Variants in CD82 observed in about 807,000 individuals in gnomAD.
CD82 encodes CD82 molecule, also known as CD82 antigen.
Under a neutral mutation model 37.4 loss-of-function variants are expected in CD82, and 36 were observed. That is an observed-to-expected ratio of 0.96 (90% CI 0.74 to 1.27). The LOEUF (loss-of-function observed/expected upper bound fraction) is 1.27, where lower values mean the gene tolerates loss of function less well. Among genes scored for constraint, CD82 ranks in the 50% most tolerant of loss-of-function variants. CD82 has a pLI of 0.00. For synonymous variants in CD82, 158 were observed against 137.4 expected (o/e 1.15, Z -1.05); for missense variants, 340 against 347.0 (o/e 0.98, Z 0.16).
chr11:44,588,643 G>A (rs1278360160), intron 2 of CD82, among the ~76,000 whole-genome samples: 1 of 152,186 alleles, frequency 6.6e-6, no homozygotes, highest in African/African-American at 2.4e-5. Flanking sequence ...ATCCAAGGCA[G>A]CCTGATGCCA....
At chr11:44,587,225 G>A (rs535438693) in intron 1 of CD82, 1 of 348,206 alleles carries the variant, frequency 2.9e-6, no homozygotes, top group Non-Finnish European at 5.7e-6. Flanking sequence ...TACGGGAAAA[G>A]AGTAATTCTG....
chr11:44,613,291 A>G (rs967379292), intron 6 of CD82, among the ~76,000 whole-genome samples: 1 of 152,180 alleles, frequency 6.6e-6, no homozygotes, highest in African/African-American at 2.4e-5. Context: ...GGAGCCAGGC[A>G]GGGGCTGGCT....
At position 44,582,350 on chromosome 11, in the gene CD82, C is replaced by T. The variant is rs772646583; in HGVS notation, c.-102-5125C>T. Reference sequence around the variant, plus strand: ...GGGCAGTCTGCAGGAACCCTGTGTCCATCCCATGCCTCAAGGGACAATCTT... The same window carrying T: ...GGGCAGTCTGCAGGAACCCTGTGTCTATCCCATGCCTCAAGGGACAATCTT... On this transcript the variant is annotated intron_variant, in intron 1 of 9. Transcript: ENST00000227155. Among the ~76,000 whole-genome samples, 10 of 152,228 alleles carry T rather than the reference C, an allele frequency of 6.6e-5. 1 individual carries two copies. Among genetic ancestry groups the T allele is most frequent in the Non-Finnish European group, 1.5e-4 (10 of 68,050 alleles).
intron 3 of CD82, among the ~76,000 whole-genome samples, chr11:44,595,283 G>A (rs529529329): frequency 2.0e-5 from 3 of 152,234 alleles, no homozygotes; most frequent in South Asian, 2.1e-4. Flanking sequence ...CCATCCGGAT[G>A]TCAGCTCTGT....
At position 44,619,015 on chromosome 11, in the gene CD82, C is replaced by G. The variant is rs761247903; in HGVS notation, c.727-34C>G. The G allele has an allele frequency of 2.5e-6, 4 of 1,594,346 alleles. No homozygotes were observed. In the East Asian group the frequency reaches 6.7e-5, roughly 27 times the overall value. ...CTGGGGCGTCTGAGGCCGGGACACC[C>G]AGCCTCCCTCTGACTCTCCGCCTCT... On this transcript the variant is annotated intron_variant, in intron 9 of 9. Transcript: ENST00000227155.
At chr11:44,587,449 GAC>G (rs1565084712) in intron 1 of CD82, 24 bp from the exon 2 acceptor site, 2 of 456,296 alleles carry the variant, frequency 4.4e-6, no homozygotes, top group Admixed American at 4.7e-5. Flanking sequence ...AGACAGGAGT[GAC>G]GAGATCTGGG....
chr11:44,587,316 T>C (rs7930303), intron 1 of CD82, 159 bp from the exon 2 acceptor site: 400,753 of 409,022 alleles, frequency 0.98, 196,440 homozygotes, highest in Non-Finnish European at 0.99. Context: ...GGAAAGAGGC[T>C]ACATGAGCCT....
At chr11:44,602,306 G>T (rs1196988450) in intron 4 of CD82, among the ~76,000 whole-genome samples, 2 of 152,194 alleles carry the variant, frequency 1.3e-5, no homozygotes, top group East Asian at 3.8e-4. Flanking sequence ...TCAGCACATT[G>T]CTTCACCTCT....
At chr11:44,603,308 G>T (rs1409816953) in intron 4 of CD82, among the ~76,000 whole-genome samples, 1 of 152,124 alleles carries the variant, frequency 6.6e-6, no homozygotes, top group Non-Finnish European at 1.5e-5. Flanking sequence ...TCAGGAAGCG[G>T]AGCTGAATCC....
At chr11:44,573,393 A>T (rs1331734694) in intron 1 of CD82, among the ~76,000 whole-genome samples, 1 of 152,224 alleles carries the variant, frequency 6.6e-6, no homozygotes, top group Non-Finnish European at 1.5e-5. Flanking sequence ...TCGTATATAG[A>T]GGAAATAGAA....
rs1303554883 is a variant in CD82, at chr11:44,612,383, T to C, written c.337-2889T>C. ...ATGGGGTGAATACCTAGGCCATAGG[T>C]CTGCTGTGAAGATTCAGTTGAGATA... On this transcript the variant is annotated intron_variant, in intron 6 of 9. Transcript: ENST00000227155. 2.6e-5 allele frequency among the ~76,000 whole-genome samples: 4 copies of C among 152,156 alleles called. No individual in the cohort carries two copies. In the East Asian group the frequency reaches 7.7e-4, roughly 29 times the overall value.
intron 1 of CD82, among the ~76,000 whole-genome samples, chr11:44,582,782 T>C (rs889975881): frequency 6.6e-6 from 1 of 152,168 alleles, no homozygotes; most frequent in African/African-American, 2.4e-5. Context: ...AGCTTTCCGA[T>C]CAATGAGCTG....
chr11:44,590,157 T>C (rs1002485295), intron 2 of CD82, among the ~76,000 whole-genome samples: 5 of 151,986 alleles, frequency 3.3e-5, no homozygotes, highest in African/African-American at 9.7e-5. Context: ...TTACAGACAC[T>C]TGTGGGTGCG....
At chr11:44,608,799 C>G (rs2134680555) in intron 6 of CD82, among the ~76,000 whole-genome samples, 1 of 152,374 alleles carries the variant, frequency 6.6e-6, no homozygotes, top group South Asian at 2.1e-4. Context: ...GCCCCAGCCC[C>G]CACTAGTGGG....
chr11:44,570,691 GCTT>G lies in CD82; in HGVS notation c.-103+4958_-103+4960del, dbSNP rs146432238. 4.8e-3 allele frequency among the ~76,000 whole-genome samples: 691 copies of G among 144,956 alleles called. 12 individuals carry two copies. The highest frequency in any genetic ancestry group is 0.027 in the Admixed American group (398 of 14,548). ...CTGTCCTGGAATTGCTTTCAGCAGA[GCTT>G]CTGCTTCTCTTCCGATGCCTGGCCT... On this transcript the variant is annotated intron_variant, in intron 1 of 9. Coordinates refer to ENST00000227155, the MANE Select transcript of CD82 (RefSeq NM_002231.4).
rs916792094 is a variant in CD82 at position 44,619,230 on chromosome 11, C to T, written c.*104C>T. 9 of 904,462 alleles carry T rather than the reference C, an allele frequency of 1.0e-5. No individual in the cohort carries two copies. The highest frequency in any genetic ancestry group is 1.1e-5 in the Non-Finnish European group (6 of 542,856). 56.0% of individuals were successfully genotyped at this position (904,462 alleles called of 1,614,324 possible). The stretch of plus-strand genomic sequence containing the variant: ...CCTGCCTCCCACTTCACTGCGAAGA[C>T]CCTCTTGCCCATCCTGACTGAAAGT... On this transcript the variant is annotated 3_prime_UTR_variant, in exon 10 of 10. Transcript: ENST00000227155.
chr11:44,612,571 TTTA>T (rs1428227889), intron 6 of CD82, among the ~76,000 whole-genome samples: 102 of 150,664 alleles, frequency 6.8e-4, no homozygotes, highest in African/African-American at 2.4e-3. Context: ...TGCTGAGAGC[TTTA>T]TTGAGAGAAG....
Position 44,576,397 on chromosome 11 carries a change from C to T in CD82, c.-103+10661C>T, listed in dbSNP as rs75204190. Reference sequence around the variant, plus strand: ...AGGGTCCAGGAGGTAAAACAACTTACCCAAGTTCACAGAACTGAAAGGGGC... The same window carrying T: ...AGGGTCCAGGAGGTAAAACAACTTATCCAAGTTCACAGAACTGAAAGGGGC... On this transcript the variant is annotated intron_variant, in intron 1 of 9. Coordinates refer to ENST00000227155, the MANE Select transcript of CD82 (RefSeq NM_002231.4). Among the ~76,000 whole-genome samples, 1,281 of 152,294 alleles carry T rather than the reference C, an allele frequency of 8.4e-3. 14 individuals are homozygous for T. The highest frequency in any genetic ancestry group is 0.029 in the African/African-American group (1,198 of 41,548).
At chr11:44,567,728 C>T (rs764358338) in intron 1 of CD82, among the ~76,000 whole-genome samples, 124 of 152,206 alleles carry the variant, frequency 8.1e-4, no homozygotes, top group Non-Finnish European at 4.7e-4. Flanking sequence ...GAATGACAAG[C>T]GACCACATAA....
Sources: allele counts gnomAD v4.1 joint callset (sites outside exome capture counted in the v4.1 genomes callset), GRCh38; gene constraint gnomAD v4.1.1; transcripts MANE v1.5; gene names NCBI Gene and HGNC (gene_info 2026-07-23, HGNC 2026-07-21).